LONP1: variants seen among roughly 807,000 people sequenced by gnomAD.
The protein encoded by LONP1 is lon protease homolog, mitochondrial.
Under a neutral mutation model 98.5 loss-of-function variants are expected in LONP1, and 31 were observed. The observed-to-expected ratio is 0.31, with a 90% CI of 0.24 to 0.42. LONP1 has a LOEUF of 0.42. LONP1 is among the 20% of genes least tolerant of loss of function. The probability of loss-of-function intolerance (pLI) is 1.00; values close to 1 mark genes in which losing one functional copy is unlikely to be tolerated. For missense variants in LONP1, 1,336 were observed against 1,350.6 expected (o/e 0.99, Z 0.17); for synonymous variants, 781 against 594.7 (o/e 1.31, Z -4.56).
Position 5,696,132 on chromosome 19 carries a change from G to A in LONP1, c.1935C>T (p.Ile645=). ...FICTANVTDT[I]PEPLRDRMEM... The stretch of plus-strand genomic sequence containing the variant: ...CCATACGGTCTCGCAGCGGCTCGGG[G>A]ATGGTGTCCGTGACGTTGGCCGTGC... Residue 645 remains isoleucine (I), a synonymous_variant, in exon 13 of 18, where the codon ATC becomes ATT. Coordinates refer to ENST00000360614, the MANE Select transcript of LONP1 (RefSeq NM_004793.4). The A allele has an allele frequency of 6.2e-7, 1 of 1,613,074 alleles. No homozygotes were observed. Among genetic ancestry groups the A allele is most frequent in the Non-Finnish European group, 8.5e-7 (1 of 1,179,908 alleles).
chr19:5,715,107 T>G (rs2055295226), intron 1 of LONP1: 1 of 146,194 alleles, frequency 6.8e-6, no homozygotes, highest in Non-Finnish European at 1.5e-5. Flanking sequence ...GTGAATACAG[T>G]GAGCAGAACT....
At chr19:5,693,151 G>A (rs2054860871) in intron 17 of LONP1, 147 bp downstream of exon 17, 1 of 975,176 alleles carries the variant, frequency 1.0e-6, no homozygotes. Flanking sequence ...GTGAGCTTAA[G>A]GCCAGCTCCA....
chr19:5,707,549 G>A, intron 6 of LONP1, 148 bp downstream of exon 6: 1 of 796,584 alleles, frequency 1.3e-6, no homozygotes, highest in Non-Finnish European at 2.1e-6. Flanking sequence ...GGGACACACA[G>A]CTGGGTGTGG....
intron 8 of LONP1, among the ~76,000 whole-genome samples, chr19:5,702,182 C>T (rs1183147805): frequency 5.3e-5 from 8 of 150,558 alleles, no homozygotes; most frequent in Admixed American, 2.6e-4. Flanking sequence ...CCCGGCCAGC[C>T]GCCCCCTCCG....
chr19:5,708,333 G>C lies in LONP1; in HGVS notation c.932+9C>G, dbSNP rs1283946076. The C allele has an allele frequency of 1.2e-6, 2 of 1,611,682 alleles. No individual in the cohort carries two copies. The highest frequency in any genetic ancestry group is 1.6e-4 in the Middle Eastern group (1 of 6,082). ...CCCCGCCTGGCCAGCTGCCCGCACA[G>C]AGGCCCACCTGTAGAGAGGGTTCAA... On this transcript the variant is annotated intron_variant, in intron 5 of 17. Coordinates refer to ENST00000360614, the MANE Select transcript of LONP1 (RefSeq NM_004793.4).
intron 6 of LONP1, 65 bp downstream of exon 6, chr19:5,707,632 G>A: frequency 6.4e-7 from 1 of 1,559,610 alleles, no homozygotes; most frequent in Non-Finnish European, 8.7e-7. Flanking sequence ...GCCGGGCGTG[G>A]GCGGAGCATA....
rs1282360301 is a variant in LONP1, at chr19:5,719,987, G to C, written c.146C>G (p.Ser49Cys). The change falls in exon 1 of 18, where the codon TCT (serine) becomes TGT (cysteine). Residue 49 changes from serine (S) to cysteine (C), a missense_variant. Around this residue, in one of 5 missense-constraint regions of LONP1, gnomAD observed 457 missense variants for 403.1 expected, o/e 1.13. Transcript: ENST00000360614. ...TCGGCCCCACAGTGCCCAAGGAGGA[G>C]AGGCGTCGCAGGTCCGCTGGCCTCG... ...LLRGQRTCDA[S>C]PPWALWGRGP... 1 of 1,582,794 alleles carries C rather than the reference G, an allele frequency of 6.3e-7. No individual in the cohort carries two copies. The highest frequency in any genetic ancestry group is 1.1e-5 in the South Asian group (1 of 87,004).
intron 16 of LONP1, 26 bp downstream of exon 16, chr19:5,693,526 C>G (rs1339790340): frequency 1.9e-6 from 3 of 1,613,152 alleles, no homozygotes; most frequent in Non-Finnish European, 2.5e-6. Context: ...TGGGCGGGAG[C>G]AGGTGGGAGC....
At position 5,719,932 on chromosome 19, in the gene LONP1, C is replaced by G; in HGVS notation, c.201G>C (p.Gly67=). 6.4e-7 allele frequency: 1 copy of G among 1,557,308 alleles called. No individual in the cohort carries two copies. Among genetic ancestry groups the G allele is most frequent in the Middle Eastern group, 1.7e-4 (1 of 5,864 alleles). ...CGCCGCGGCTGCTCGCTTCCCAAAACCCCCGCCATTGGCCCCCAATTGCCG... is the reference window on the plus strand; with the variant it reads ...CGCCGCGGCTGCTCGCTTCCCAAAAGCCCCGCCATTGGCCCCCAATTGCCG... ...RGPAIGGQWR[G]FWEASSRGGG... The change falls in exon 1 of 18, where the codon GGG becomes GGC. Residue 67 remains glycine (G), a synonymous_variant. Coordinates refer to ENST00000360614, the MANE Select transcript of LONP1 (RefSeq NM_004793.4).
intron 5 of LONP1, 63 bp downstream of exon 5, chr19:5,708,278 AC>A: frequency 6.6e-7 from 1 of 1,517,226 alleles, no homozygotes; most frequent in Non-Finnish European, 9.1e-7. Flanking sequence ...CCCCCTACCC[AC>A]CCAGCTGCAG....
intron 5 of LONP1, chr19:5,708,070 C>T: frequency 1.6e-6 from 1 of 610,474 alleles, no homozygotes. Flanking sequence ...GTGACCTCAC[C>T]TCAGCAGTCT....
rs796655052 is a variant in LONP1, at chr19:5,716,253, AATATACATAT to A, written c.430-1992_430-1983del. On this transcript the variant is annotated intron_variant, in intron 1 of 17. Transcript: ENST00000360614. Reference sequence around the variant, plus strand: ...ATTCTTTATTATATAATAAAGTTAAAATATACATATATATATATATATATATATATATATA... The same window carrying A: ...ATTCTTTATTATATAATAAAGTTAAAATATATATATATATATATATATATA... Among the ~76,000 whole-genome samples the A allele has an allele frequency of 1.1e-3, 77 of 71,728 alleles. 3 individuals are homozygous for A. The highest frequency in any genetic ancestry group is 0.016 in the Middle Eastern group (2 of 128). 47.1% of individuals were successfully genotyped at this position (71,728 alleles called of 152,430 possible). A position where few individuals can be genotyped will look rare whatever the true frequency, so the allele number is the denominator to read the frequency against.
At position 5,693,804 on chromosome 19, in the gene LONP1, C is replaced by T. The variant is rs767774827; in HGVS notation, c.2321-35G>A. 1.2e-5 allele frequency: 19 copies of T among 1,583,460 alleles called. No individual in the cohort carries two copies. The East Asian group carries it at 4.3e-4, about 36-fold the overall frequency. On this transcript the variant is annotated intron_variant, in intron 15 of 17. Coordinates refer to ENST00000360614, the MANE Select transcript of LONP1 (RefSeq NM_004793.4). Reference sequence around the variant, plus strand: ...GTGTGGAGCTGTGAACACGGGAGGCCTCGGAGCCCAGGCCGGTGCTCACTC... The same window carrying T: ...GTGTGGAGCTGTGAACACGGGAGGCTTCGGAGCCCAGGCCGGTGCTCACTC...
Position 5,720,120 on chromosome 19 carries a change from T to G in LONP1, c.13A>C (p.Thr5Pro), listed in dbSNP as rs1441748276. MAAS[T>P]GYVRLWGAAR... ...GCTCCCCACAGTCGCACGTAGCCAGTGCTCGCCGCCATAGCCCGGCCATAC... is the reference window on the plus strand; with the variant it reads ...GCTCCCCACAGTCGCACGTAGCCAGGGCTCGCCGCCATAGCCCGGCCATAC... Residue 5 changes from threonine to proline, a missense_variant, in exon 1 of 18, where the codon ACT becomes CCT. Thr to Pro is a conservative substitution (Grantham distance 38). Transcript: ENST00000360614. 6 of 1,429,910 alleles carry G rather than the reference T, an allele frequency of 4.2e-6. No homozygotes were observed. The East Asian group carries it at 8.4e-5, about 20-fold the overall frequency. 88.6% of individuals were successfully genotyped at this position (1,429,910 alleles called of 1,614,324 possible).
intron 17 of LONP1, 76 bp from the exon 18 acceptor site, chr19:5,692,284 G>A (rs2054839898): frequency 2.1e-6 from 3 of 1,407,430 alleles, no homozygotes; most frequent in Non-Finnish European, 2.9e-6. Context: ...AGGAACGAAA[G>A]GGCTTCCTGG....
chr19:5,713,361 C>T (rs2055267621), intron 2 of LONP1, 108 bp from the exon 3 acceptor site: 26 of 1,395,478 alleles, frequency 1.9e-5, no homozygotes, highest in South Asian at 2.3e-5. Flanking sequence ...CTACCAAATG[C>T]TACTGAAAAC....
rs750762912 is a variant in LONP1 at position 5,699,198 on chromosome 19, A to G, written c.1514T>C (p.Ile505Thr). 3.3e-6 allele frequency: 5 copies of G among 1,503,036 alleles called. No homozygotes were observed. The highest frequency in any genetic ancestry group is 2.5e-5 in the East Asian group (1 of 40,806). 93.1% of individuals were successfully genotyped at this position (1,503,036 alleles called of 1,614,324 possible). A position where few individuals can be genotyped will look rare whatever the true frequency, so the allele number is the denominator to read the frequency against. The change falls in exon 10 of 18, where the codon ATT becomes ACT. Residue 505 changes from isoleucine to threonine, a missense_variant. Physicochemically the swap from Ile to Thr is moderately conservative, Grantham distance 89. This residue lies in a region of LONP1 where 219 missense variants were observed against 241.0 expected (regional missense o/e 0.91). Transcript: ENST00000360614. ...EDVKKRILEF[I>T]AVSQLRGSTQ... ...GGAGCCGCGGAGCTGGCTAACGGCA[A>G]TGAACTCCTGCAGACAGAGGCAGGT...
intron 1 of LONP1, among the ~76,000 whole-genome samples, chr19:5,717,790 C>T (rs1355966578): frequency 2.6e-5 from 4 of 152,022 alleles, no homozygotes; most frequent in Admixed American, 2.6e-4. Context: ...CCATGGCTCA[C>T]TGCAGCCTTG....
chr19:5,706,649 G>C (rs1418685697), intron 7 of LONP1, among the ~76,000 whole-genome samples: 1 of 152,076 alleles, frequency 6.6e-6, no homozygotes, highest in African/African-American at 2.4e-5. Context: ...TGAGGTGACC[G>C]GCCATCAGGC....
Sources: allele counts gnomAD v4.1 joint callset (sites outside exome capture counted in the v4.1 genomes callset), GRCh38; gene constraint gnomAD v4.1.1; regional missense constraint gnomAD v4.1.1; transcripts MANE v1.5; gene names NCBI Gene and HGNC (gene_info 2026-07-23, HGNC 2026-07-21).